Variants in SLC4A7 observed in about 807,000 individuals in gnomAD.
SLC4A7 encodes the protein sodium bicarbonate cotransporter 3.
A neutral mutation model predicts 137.6 loss-of-function variants in SLC4A7; 51 were observed. That is an observed-to-expected ratio of 0.37 (90% confidence interval 0.30 to 0.47). The LOEUF (loss-of-function observed/expected upper bound fraction) is 0.47. Among genes scored for constraint, SLC4A7 ranks in the 20% least tolerant of loss-of-function variants. The pLI is 1.00. For synonymous variants in SLC4A7, 542 were observed against 518.6 expected, an observed-to-expected ratio of 1.05 and a Z score of -0.61; for missense variants, 1,247 against 1,525.4, an observed-to-expected ratio of 0.82 and a Z score of 3.04.
chr3:27,418,502 T>C lies in SLC4A7; in HGVS notation c.1643A>G (p.Lys548Arg), dbSNP rs749817178. The change falls in exon 11 of 26, where the codon AAA (lysine) becomes AGA (arginine). Residue 548 changes from lysine to arginine, a missense_variant. Lys to Arg is a conservative substitution (Grantham distance 26). Coordinates refer to ENST00000454389, the MANE Select transcript of SLC4A7 (RefSeq NM_001321103.2). The part of the protein sequence containing the change: ...WDPSIRIEPP[K>R]SVPSQEKRKI... ...GATTCTTACCTGAGAAGGGACACTT[T>C]TTGGTGGTTCTATGCGTATAGAAGG... The C allele has an allele frequency of 6.8e-6, 11 of 1,608,564 alleles. No homozygotes were observed. In the East Asian group the frequency reaches 2.0e-4, roughly 29 times the overall value.
chr3:27,427,450 T>C (rs886477815), intron 7 of SLC4A7, among the ~76,000 whole-genome samples: 4 of 152,068 alleles, frequency 2.6e-5, no homozygotes, highest in African/African-American at 9.7e-5. Context: ...ACAAGTTTTA[T>C]ACATATTAAT....
In SLC4A7 at chr3:27,464,493, C is replaced by T. The variant is rs555366157; in HGVS notation, c.61-11995G>A. On this transcript the variant is annotated intron_variant, in intron 1 of 25. Transcript: ENST00000454389. Reference sequence around the variant, plus strand: ...GAGGCCGAGGCAGAGGTCAGGAGTTCGAGACCAGCCTGGAAAACACAGCAA... The same window carrying T: ...GAGGCCGAGGCAGAGGTCAGGAGTTTGAGACCAGCCTGGAAAACACAGCAA... 2.6e-5 allele frequency among the ~76,000 whole-genome samples: 4 copies of T among 151,936 alleles called. No homozygotes were observed. The South Asian group carries it at 8.3e-4, about 32-fold the overall frequency.
At chr3:27,472,851 G>A (rs945532817) in intron 1 of SLC4A7, among the ~76,000 whole-genome samples, 1 of 152,052 alleles carries the variant, frequency 6.6e-6, no homozygotes, top group Non-Finnish European at 1.5e-5. Context: ...AGGCCGAGGC[G>A]GGCAGATCAC....
rs2056163175 is a variant in SLC4A7 at position 27,430,580 on chromosome 3, AGCCTCCAAAGCAAG to A, written c.1150+704_1150+717del. Among the ~76,000 whole-genome samples, 3 of 147,018 alleles carry A rather than the reference AGCCTCCAAAGCAAG, an allele frequency of 2.0e-5. No individual in the cohort carries two copies. The South Asian group carries it at 6.5e-4, about 32-fold the overall frequency. On this transcript the variant is annotated intron_variant, in intron 7 of 25. Coordinates refer to ENST00000454389, the MANE Select transcript of SLC4A7 (RefSeq NM_001321103.2). ...GGTTACAGTGAGCTGAGATCATGCC[AGCCTCCAAAGCAAG>A]ACCCCGTCTCCAAAAAAAAAAAAAA...
intron 13 of SLC4A7, among the ~76,000 whole-genome samples, chr3:27,406,255 AAATATT>A (rs1377150634): frequency 6.6e-6 from 1 of 152,222 alleles, no homozygotes; most frequent in African/African-American, 2.4e-5. Context: ...ACTAGAACAT[AAATATT>A]ATTTGCAAAA....
chr3:27,456,033 C>A (rs573055123), intron 1 of SLC4A7, among the ~76,000 whole-genome samples: 3 of 152,248 alleles, frequency 2.0e-5, no homozygotes, highest in African/African-American at 4.8e-5. Flanking sequence ...AGTTATTTAT[C>A]TTGCCTGAAA....
chr3:27,427,923 A>G (rs1022808007), intron 7 of SLC4A7, among the ~76,000 whole-genome samples: 5 of 152,222 alleles, frequency 3.3e-5, no homozygotes, highest in African/African-American at 1.2e-4. Flanking sequence ...AACACGGCCT[A>G]AGAAGCCAAT....
chr3:27,379,495 C>A (rs1285458418), intron 24 of SLC4A7, 139 bp from the exon 25 acceptor site: 7 of 563,120 alleles, frequency 1.2e-5, no homozygotes, highest in East Asian at 2.8e-5. Context: ...TTACAAAGTC[C>A]TTATGAAGAA....
At chr3:27,471,779 T>A (rs1025833829) in intron 1 of SLC4A7, among the ~76,000 whole-genome samples, 1 of 152,200 alleles carries the variant, frequency 6.6e-6, no homozygotes, top group African/African-American at 2.4e-5. Flanking sequence ...TTGTTTCAGA[T>A]GACAAACTAA....
At chr3:27,402,251 C>T (rs966669873) in intron 15 of SLC4A7, among the ~76,000 whole-genome samples, 1 of 152,164 alleles carries the variant, frequency 6.6e-6, no homozygotes, top group African/African-American at 2.4e-5. Flanking sequence ...GCCTATTTTA[C>T]ACTTATTGAA....
Position 27,418,466 on chromosome 3 carries a change from GAA to G in SLC4A7, c.1659+18_1659+19del, listed in dbSNP as rs547505423. The G allele has an allele frequency of 1.1e-3, 1,748 of 1,584,612 alleles. 2 individuals are homozygous for G. The highest frequency in any genetic ancestry group is 1.4e-3 in the Non-Finnish European group (1,659 of 1,167,836). On this transcript the variant is annotated intron_variant, in intron 11 of 25. Transcript: ENST00000454389. Reference sequence around the variant, plus strand: ...TATTAAAATAAAGTAAGTCACAGAAGAATAGCTCTGGATTCTTACCTGAGAAG... The same window carrying G: ...TATTAAAATAAAGTAAGTCACAGAAGTAGCTCTGGATTCTTACCTGAGAAG...
chr3:27,435,853 TA>T (rs958300899), intron 5 of SLC4A7, among the ~76,000 whole-genome samples: 82 of 149,076 alleles, frequency 5.5e-4, no homozygotes, highest in African/African-American at 1.6e-3. Context: ...ATCCCCCCCT[TA>T]AAAAAAAAAT....
intron 1 of SLC4A7, among the ~76,000 whole-genome samples, chr3:27,479,001 G>C (rs1202143873): frequency 6.8e-6 from 1 of 147,146 alleles, no homozygotes; most frequent in African/African-American, 2.5e-5. Context: ...TGAGAACCCT[G>C]TCTCAGGAAA....
chr3:27,413,629 T>C (rs2054113948), intron 11 of SLC4A7, among the ~76,000 whole-genome samples: 1 of 152,206 alleles, frequency 6.6e-6, no homozygotes, highest in Non-Finnish European at 1.5e-5. Flanking sequence ...TTGCCAGAGA[T>C]GCTGAAAAGG....
intron 23 of SLC4A7, among the ~76,000 whole-genome samples, 176 bp downstream of exon 23, chr3:27,385,716 C>T (rs2150045469): frequency 1.3e-5 from 2 of 152,274 alleles, no homozygotes; most frequent in South Asian, 4.1e-4. Context: ...TAACCACTCT[C>T]TGCCTGCTTC....
At chr3:27,477,247 T>C (rs1252169193) in intron 1 of SLC4A7, among the ~76,000 whole-genome samples, 1 of 152,258 alleles carries the variant, frequency 6.6e-6, no homozygotes, top group Non-Finnish European at 1.5e-5. Context: ...CAAATCCTAA[T>C]GCAAGATTTA....
At position 27,383,259 on chromosome 3, in the gene SLC4A7, C is replaced by T; in HGVS notation, c.3493-9G>A. On this transcript the variant is annotated splice_polypyrimidine_tract_variant and intron_variant, in intron 23 of 25. Coordinates refer to ENST00000454389, the MANE Select transcript of SLC4A7 (RefSeq NM_001321103.2). ...AGCATCCGTTCAGCTTCCTTTATAA[C>T]ACATGTGTGAAGAGGTTACTTTTCC... The T allele has an allele frequency of 1.9e-6, 3 of 1,565,096 alleles. No individual in the cohort carries two copies. The highest frequency in any genetic ancestry group is 2.6e-6 in the Non-Finnish European group (3 of 1,137,000).
chr3:27,438,418 T>A (rs2056914625), intron 3 of SLC4A7, among the ~76,000 whole-genome samples: 1 of 151,884 alleles, frequency 6.6e-6, no homozygotes, highest in Non-Finnish European at 1.5e-5. Context: ...GGCAGGAGAA[T>A]CGCTTGAACC....
intron 1 of SLC4A7, among the ~76,000 whole-genome samples, chr3:27,475,646 C>A (rs2059433012): frequency 6.6e-6 from 1 of 152,100 alleles, no homozygotes. Context: ...TCCCTTATTC[C>A]TAACAAATGA....
Sources: allele counts gnomAD v4.1 joint callset (sites outside exome capture counted in the v4.1 genomes callset), GRCh38; gene constraint gnomAD v4.1.1; transcripts MANE v1.5; gene names NCBI Gene and HGNC (gene_info 2026-07-23, HGNC 2026-07-21).